SLC11A2: variants seen among roughly 807,000 people sequenced by gnomAD.
SLC11A2 encodes the protein solute carrier family 11 member 2.
In SLC11A2, 38 loss-of-function variants were observed where a neutral mutation model predicts 68.0. The observed-to-expected ratio is 0.56, with a 90% CI of 0.43 to 0.73. SLC11A2 has a LOEUF of 0.73. Ranked by LOEUF, SLC11A2 falls within the 30% of genes least tolerant of loss-of-function variation. The pLI, the probability that SLC11A2 is intolerant of heterozygous loss-of-function variation, is 0.00. For missense variants in SLC11A2, 517 were observed against 690.5 expected, an observed-to-expected ratio of 0.75 and a Z score of 2.82; for synonymous variants, 242 against 250.6, an observed-to-expected ratio of 0.97 and a Z score of 0.32.
At position 50,986,854 on chromosome 12, in the gene SLC11A2, T is replaced by C. The variant is rs1195873415; in HGVS notation, c.*1471A>G. 7.8e-7 allele frequency: 1 copy of C among 1,287,100 alleles called. No homozygotes were observed. Among genetic ancestry groups the C allele is most frequent in the East Asian group, 5.5e-5 (1 of 18,036 alleles). 79.7% of individuals were successfully genotyped at this position (1,287,100 alleles called of 1,614,324 possible). The stretch of plus-strand genomic sequence containing the variant: ...TCCATCCAGTCTGCGCTTTTGACTG[T>C]GTGCAAGTATCAGTAATAATGCTTT... On this transcript the variant is annotated 3_prime_UTR_variant, in exon 16 of 16. Coordinates refer to ENST00000262052, the MANE Select transcript of SLC11A2 (RefSeq NM_000617.3).
chr12:50,954,295 T>C, the SLC11A2 span: 1 of 451,676 alleles, frequency 2.2e-6, no homozygotes, highest in Non-Finnish European at 3.9e-6. Context: ...ATTTGAGGCA[T>C]CAAATTTTAT....
the SLC11A2 span, among the ~76,000 whole-genome samples, chr12:50,958,578 GC>G: frequency 6.6e-6 from 1 of 151,820 alleles, no homozygotes. Context: ...ACCGCGCCCG[GC>G]CTAAAATAAT....
At chr12:51,019,576 C>T (rs1326079590) in intron 1 of SLC11A2, among the ~76,000 whole-genome samples, 1 of 151,690 alleles carries the variant, frequency 6.6e-6, no homozygotes, top group East Asian at 1.9e-4. Flanking sequence ...TATTACTCTC[C>T]CTCTATTTTT....
downstream of SLC11A2, among the ~76,000 whole-genome samples, chr12:50,978,261 G>T (rs1437751221): frequency 5.9e-5 from 9 of 151,372 alleles, no homozygotes; most frequent in Non-Finnish European, 1.0e-4. Flanking sequence ...AACAATGATA[G>T]ACTGGATTAA....
rs79206015 is a variant in SLC11A2 at position 50,987,536 on chromosome 12, C to T, written c.*789G>A. The stretch of plus-strand genomic sequence containing the variant: ...AAAGAAAGTTAAGGTTTTACAACCA[C>T]ATGTGCTCAAGAGTAAATATCATCA... On this transcript the variant is annotated 3_prime_UTR_variant, in exon 16 of 16. Coordinates refer to ENST00000262052, the MANE Select transcript of SLC11A2 (RefSeq NM_000617.3). 1,306 of 1,287,226 alleles carry T rather than the reference C, an allele frequency of 1.0e-3. 12 individuals are homozygous for T. The African/African-American group carries it at 0.018, about 18-fold the overall frequency. 79.7% of individuals were successfully genotyped at this position (1,287,226 alleles called of 1,614,324 possible). A position where few individuals can be genotyped will look rare whatever the true frequency, so the allele number is the denominator to read the frequency against.
At chr12:50,967,485 C>T in the SLC11A2 span, among the ~76,000 whole-genome samples, 5 of 152,082 alleles carry the variant, frequency 3.3e-5, no homozygotes, top group Non-Finnish European at 7.4e-5. Context: ...CTTCATTGCC[C>T]AAGCTGGTCT....
chr12:50,982,420 T>G (rs11169651), downstream of SLC11A2, among the ~76,000 whole-genome samples: 10,759 of 151,622 alleles, frequency 0.071, 728 homozygotes, highest in East Asian at 0.28. Flanking sequence ...GGTCAGGAGA[T>G]CGAGACCATC....
At position 50,999,339 on chromosome 12, in the gene SLC11A2, C is replaced by T; in HGVS notation, c.607+6G>A. On this transcript the variant is annotated splice_donor_region_variant and intron_variant, in intron 7 of 15. Coordinates refer to ENST00000262052, the MANE Select transcript of SLC11A2 (RefSeq NM_000617.3). Reference sequence around the variant, plus strand: ...CCTTTGACCCTCCCATTCCCGCTCTCCTTACCATATTTGTCCAAGAAGAGA... The same window carrying T: ...CCTTTGACCCTCCCATTCCCGCTCTTCTTACCATATTTGTCCAAGAAGAGA... 1 of 1,613,336 alleles carries T rather than the reference C, an allele frequency of 6.2e-7. No individual in the cohort carries two copies. Among genetic ancestry groups the T allele is most frequent in the Non-Finnish European group, 8.5e-7 (1 of 1,179,268 alleles).
chr12:50,998,146 T>G (rs1941894606), intron 8 of SLC11A2, among the ~76,000 whole-genome samples: 1 of 151,762 alleles, frequency 6.6e-6, no homozygotes, highest in Non-Finnish European at 1.5e-5. Flanking sequence ...TTACTTGAGG[T>G]CAGCAGTTCA....
At chr12:51,018,887 T>TC (rs1284339540) in intron 1 of SLC11A2, among the ~76,000 whole-genome samples, 2 of 152,238 alleles carry the variant, frequency 1.3e-5, no homozygotes, top group Non-Finnish European at 2.9e-5. Flanking sequence ...TGAAAAGGTC[T>TC]CCCTAAAATT....
downstream of SLC11A2, among the ~76,000 whole-genome samples, chr12:50,978,308 A>G (rs1475340638): frequency 6.6e-6 from 1 of 152,026 alleles, no homozygotes; most frequent in Non-Finnish European, 1.5e-5. Context: ...AATACTATGC[A>G]GCCATAAACA....
intron 1 of SLC11A2, among the ~76,000 whole-genome samples, chr12:51,021,384 G>T (rs1271170896): frequency 1.3e-5 from 2 of 152,154 alleles, no homozygotes; most frequent in Non-Finnish European, 2.9e-5. Context: ...CCAGCACTTT[G>T]GGAGGCAGAG....
chr12:50,977,997 G>A (rs1939871999), downstream of SLC11A2, among the ~76,000 whole-genome samples: 1 of 152,172 alleles, frequency 6.6e-6, no homozygotes, highest in South Asian at 2.1e-4. Context: ...GGAAACAACA[G>A]GTACTAGAGA....
chr12:50,969,900 C>G, the SLC11A2 span, among the ~76,000 whole-genome samples: 1 of 151,886 alleles, frequency 6.6e-6, no homozygotes, highest in East Asian at 1.9e-4. Context: ...TTGCTGACAT[C>G]CTTGGAACTC....
chr12:51,001,866 G>A (rs932035450), intron 5 of SLC11A2, among the ~76,000 whole-genome samples: 1 of 152,058 alleles, frequency 6.6e-6, no homozygotes, highest in Non-Finnish European at 1.5e-5. Context: ...AACAGAAAAG[G>A]TTGGAGTCAC....
the SLC11A2 span, among the ~76,000 whole-genome samples, chr12:50,956,531 A>G: frequency 6.6e-6 from 1 of 152,204 alleles, no homozygotes; most frequent in South Asian, 2.1e-4. Context: ...TGGTTATCTT[A>G]AGCAACTTCC....
At chr12:50,997,046 T>G (rs894179696) in intron 8 of SLC11A2, 74 bp from the exon 9 acceptor site, 1 of 1,165,098 alleles carries the variant, frequency 8.6e-7, no homozygotes, top group Non-Finnish European at 1.3e-6. Flanking sequence ...AGGGAACAGT[T>G]AGCATCCTTT....
At chr12:51,006,769 T>C (rs1942765017) in intron 3 of SLC11A2, among the ~76,000 whole-genome samples, 2 of 152,184 alleles carry the variant, frequency 1.3e-5, no homozygotes, top group African/African-American at 4.8e-5. Context: ...TCTTTTTTTA[T>C]TTATTTTTAT....
At position 50,986,536 on chromosome 12, in the gene SLC11A2, G is replaced by A. The variant is rs1940573586; in HGVS notation, c.*1789C>T. On this transcript the variant is annotated 3_prime_UTR_variant, in exon 16 of 16. Coordinates refer to ENST00000262052, the MANE Select transcript of SLC11A2 (RefSeq NM_000617.3). ...CTGACTGGACCCACCCAGACCCAGG[G>A]CAAAGATACATGTTACCATATCATC... The A allele has an allele frequency of 1.6e-6, 2 of 1,282,610 alleles. No individual in the cohort carries two copies. Among genetic ancestry groups the A allele is most frequent in the South Asian group, 2.5e-5 (2 of 80,908 alleles). 79.5% of individuals were successfully genotyped at this position (1,282,610 alleles called of 1,614,324 possible).
Sources: gnomAD v4.1 joint callset for allele counts (sites outside exome capture counted in the v4.1 genomes callset) on GRCh38, gnomAD v4.1.1 for gene constraint, MANE v1.5 for transcripts, NCBI Gene and HGNC (gene_info 2026-07-23, HGNC 2026-07-21) for gene names.